AK5: variants seen among roughly 807,000 people sequenced by gnomAD.
The protein encoded by AK5 is adenylate kinase isoenzyme 5.
A neutral mutation model predicts 69.5 loss-of-function variants in AK5; 27 were observed. The ratio of observed to expected loss-of-function variants is 0.39; its 90% CI spans 0.29 to 0.54. AK5 has a LOEUF of 0.54. Ranked by LOEUF, AK5 falls within the 20% of genes least tolerant of loss-of-function variation. The probability of loss-of-function intolerance (pLI) is 0.71; values close to 1 mark genes in which losing one functional copy is unlikely to be tolerated. For synonymous variants in AK5, 260 were observed against 244.4 expected, an observed-to-expected ratio of 1.06 and a Z score of -0.60; for missense variants, 531 against 700.4, an observed-to-expected ratio of 0.76 and a Z score of 2.73.
chr1:77,409,666 A>G (rs1649904386), intron 6 of AK5, among the ~76,000 whole-genome samples: 1 of 152,160 alleles, frequency 6.6e-6, no homozygotes, highest in South Asian at 2.1e-4. Flanking sequence ...ATAGTTTGCA[A>G]ATATTTTCTC....
chr1:77,470,027 T>C (rs749887373), intron 8 of AK5, among the ~76,000 whole-genome samples: 5 of 152,258 alleles, frequency 3.3e-5, no homozygotes, highest in Non-Finnish European at 7.3e-5. Context: ...CGGAATGTTT[T>C]GTAACTTCCA....
At chr1:77,491,229 C>G (rs1384929247) in intron 10 of AK5, among the ~76,000 whole-genome samples, 1 of 151,006 alleles carries the variant, frequency 6.6e-6, no homozygotes, top group Non-Finnish European at 1.5e-5. Context: ...CTCAATATTG[C>G]AATGCCTGGC....
chr1:77,533,453 TTGCAGTGATCACATCACTGCAC>T (rs943372823), intron 12 of AK5, among the ~76,000 whole-genome samples: 3 of 144,400 alleles, frequency 2.1e-5, no homozygotes, highest in African/African-American at 7.8e-5. Context: ...GAGGCAGAGG[TTGCAGTGATCACATCACTGCAC>T]TCCAGCCTAG....
chr1:77,483,415 C>A, intron 9 of AK5, 56 bp downstream of exon 9: 2 of 1,344,792 alleles, frequency 1.5e-6, no homozygotes, highest in East Asian at 2.3e-5. Flanking sequence ...TTTGACCATG[C>A]CTTTTTAATT....
intron 6 of AK5, among the ~76,000 whole-genome samples, chr1:77,344,003 T>A (rs1269826923): frequency 6.6e-6 from 1 of 152,246 alleles, no homozygotes; most frequent in South Asian, 2.1e-4. Context: ...TTTGACTCAG[T>A]GTCTTCTTTA....
At chr1:77,433,977 A>G (rs1386809007) in intron 8 of AK5, among the ~76,000 whole-genome samples, 2 of 151,634 alleles carry the variant, frequency 1.3e-5, no homozygotes, top group Non-Finnish European at 2.9e-5. Context: ...ACTACTTCTT[A>G]GAGTCTTTTC....
At chr1:77,346,634 C>T (rs1310507668) in intron 6 of AK5, among the ~76,000 whole-genome samples, 1 of 152,112 alleles carries the variant, frequency 6.6e-6, no homozygotes, top group East Asian at 1.9e-4. Context: ...GTAGCTGGAA[C>T]TACAGGTGTA....
intron 1 of AK5, chr1:77,283,450 G>T: frequency 1.0e-6 from 1 of 985,352 alleles, no homozygotes; most frequent in African/African-American, 1.7e-5. Flanking sequence ...CGGTTTGGGG[G>T]ATTTGTTCTG....
At chr1:77,294,109 C>T (rs1000654492) in intron 3 of AK5, 149 bp downstream of exon 3, 23 of 665,064 alleles carry the variant, frequency 3.5e-5, no homozygotes, top group Non-Finnish European at 5.4e-5. Flanking sequence ...TGGAAATATT[C>T]TTAGTATAAG....
intron 3 of AK5, among the ~76,000 whole-genome samples, chr1:77,295,692 C>T (rs2815312): frequency 0.15 from 22,501 of 151,802 alleles, 2,127 homozygotes; most frequent in Non-Finnish European, 0.2. Flanking sequence ...GTTGTTCTTG[C>T]TGCTAGTAAT....
At chr1:77,514,340 C>G (rs752098781) in intron 10 of AK5, among the ~76,000 whole-genome samples, 9 of 152,180 alleles carry the variant, frequency 5.9e-5, no homozygotes, top group Non-Finnish European at 1.0e-4. Context: ...CCAGAGGACA[C>G]AGCCCACTCA....
intron 8 of AK5, among the ~76,000 whole-genome samples, chr1:77,423,828 A>T (rs72681620): frequency 0.073 from 10,175 of 139,336 alleles, 500 homozygotes; most frequent in East Asian, 0.23. Flanking sequence ...CCGTGGGAGG[A>T]GAAAAAAAAA....
chr1:77,553,848 G>T (rs1238075835), intron 13 of AK5, among the ~76,000 whole-genome samples: 1 of 152,108 alleles, frequency 6.6e-6, no homozygotes, highest in Non-Finnish European at 1.5e-5. Flanking sequence ...GTTTGATAAG[G>T]CGAGCTCAGG....
chr1:77,521,823 C>G lies in AK5; in HGVS notation c.1312-4C>G. On this transcript the variant is annotated splice_polypyrimidine_tract_variant and splice_region_variant and intron_variant, in intron 11 of 13. Coordinates refer to ENST00000354567, the MANE Select transcript of AK5 (RefSeq NM_174858.3). The stretch of plus-strand genomic sequence containing the variant: ...AGGTCCTGACCACTCTCGCTTTGCT[C>G]CAGGGCATCGTTTTGGAGCTCCTGA... The G allele has an allele frequency of 6.2e-7, 1 of 1,612,010 alleles. No homozygotes were observed. The highest frequency in any genetic ancestry group is 8.5e-7 in the Non-Finnish European group (1 of 1,178,352).
intron 6 of AK5, among the ~76,000 whole-genome samples, chr1:77,388,171 ATTCTACTCTGTAACATT>A (rs2100518453): frequency 6.6e-6 from 1 of 152,352 alleles, no homozygotes; most frequent in African/African-American, 2.4e-5. Context: ...AATTCCTCTT[ATTCTACTCTGTAACATT>A]TTTTCTTCCA....
chr1:77,488,059 G>A (rs1655716448), intron 10 of AK5, among the ~76,000 whole-genome samples: 1 of 152,158 alleles, frequency 6.6e-6, no homozygotes, highest in South Asian at 2.1e-4. Context: ...CATTTAAGCA[G>A]AGAGATAAAA....
At chr1:77,522,864 C>T (rs1658070544) in intron 12 of AK5, among the ~76,000 whole-genome samples, 1 of 152,064 alleles carries the variant, frequency 6.6e-6, no homozygotes, top group Non-Finnish European at 1.5e-5. Flanking sequence ...AGTTTTGAAA[C>T]ATTTTTCATA....
At chr1:77,516,962 T>C (rs914257107) in intron 10 of AK5, among the ~76,000 whole-genome samples, 5 of 151,362 alleles carry the variant, frequency 3.3e-5, no homozygotes, top group Non-Finnish European at 5.9e-5. Flanking sequence ...TCCCAGCTAA[T>C]TGGGAGGCTG....
chr1:77,521,039 T>C (rs1014091246), intron 11 of AK5, among the ~76,000 whole-genome samples: 15 of 152,380 alleles, frequency 9.8e-5, no homozygotes, highest in Admixed American at 7.2e-4. Context: ...AAAGTGATGT[T>C]ACTTGAAAAT....
Sources: allele counts gnomAD v4.1 joint callset (sites outside exome capture counted in the v4.1 genomes callset), GRCh38; gene constraint gnomAD v4.1.1; transcripts MANE v1.5; gene names NCBI Gene and HGNC (gene_info 2026-07-23, HGNC 2026-07-21).